The following PIP5K1B variants were observed in gnomAD, a reference collection of about 807,000 sequenced individuals.
PIP5K1B encodes phosphatidylinositol-4-phosphate 5-kinase type 1 beta.
In PIP5K1B, 42 loss-of-function variants were observed where a neutral mutation model predicts 67.0. That is an observed-to-expected ratio of 0.63 (90% confidence interval 0.49 to 0.81). PIP5K1B has a LOEUF of 0.81. Among genes scored for constraint, PIP5K1B ranks in the 30% least tolerant of loss-of-function variants. The probability of loss-of-function intolerance (pLI) is 0.00; values close to 1 mark genes in which losing one functional copy is unlikely to be tolerated. For missense variants in PIP5K1B, 459 were observed against 646.3 expected (o/e 0.71, Z 3.14); for synonymous variants, 214 against 231.4 (o/e 0.92, Z 0.68).
At chr9:68,822,355 C>A in intron 3 of PIP5K1B, 1 of 297,442 alleles carries the variant, frequency 3.4e-6, no homozygotes. Context: ...TAGAAAGAAA[C>A]TTATACACAT....
chr9:68,812,373 T>C (rs1355304448), intron 2 of PIP5K1B, among the ~76,000 whole-genome samples: 1 of 152,186 alleles, frequency 6.6e-6, no homozygotes, highest in Non-Finnish European at 1.5e-5. Context: ...TATTTATTCC[T>C]TAAGGTCACA....
chr9:68,735,485 T>C (rs1828694074), intron 1 of PIP5K1B, among the ~76,000 whole-genome samples: 1 of 151,994 alleles, frequency 6.6e-6, no homozygotes, highest in African/African-American at 2.4e-5. Flanking sequence ...GACTCCCGGG[T>C]TCAAGCTATT....
intron 2 of PIP5K1B, among the ~76,000 whole-genome samples, chr9:68,798,961 T>A (rs1832442367): frequency 6.6e-6 from 1 of 152,190 alleles, no homozygotes; most frequent in Non-Finnish European, 1.5e-5. Flanking sequence ...AAATCAAGAA[T>A]GACTGATTTT....
intron 4 of PIP5K1B, among the ~76,000 whole-genome samples, chr9:68,861,416 A>G (rs1823063679): frequency 6.6e-6 from 1 of 152,250 alleles, no homozygotes; most frequent in Admixed American, 6.5e-5. Context: ...GAAGTTTGAT[A>G]ACACTAGGTG....
At chr9:68,918,087 A>G (rs1267543924) in intron 9 of PIP5K1B, among the ~76,000 whole-genome samples, 1 of 133,018 alleles carries the variant, frequency 7.5e-6, no homozygotes, top group East Asian at 2.4e-4. Flanking sequence ...TTTATTGTTT[A>G]TTTATTTATT....
intron 8 of PIP5K1B, among the ~76,000 whole-genome samples, chr9:68,915,327 CG>C (rs1408775784): frequency 1.3e-5 from 2 of 151,794 alleles, no homozygotes; most frequent in African/African-American, 4.8e-5. Flanking sequence ...GAAGCTGTCT[CG>C]GGGGGTACTG....
rs188509274 is a variant in PIP5K1B, at chr9:68,855,254, C to T, written c.70-8583C>T. ...TCTTCTACTGTGTTAGTCACTCCTA[C>T]GTCTCCTCCAAAGCTTTTCCTCCTT... On this transcript the variant is annotated intron_variant, in intron 4 of 15. Transcript: ENST00000265382. Among the ~76,000 whole-genome samples, 397 of 152,298 alleles carry T rather than the reference C, an allele frequency of 2.6e-3. 2 individuals are homozygous for T. Among genetic ancestry groups the T allele is most frequent in the African/African-American group, 9.0e-3 (376 of 41,560 alleles).
At chr9:68,743,888 G>T (rs977510484) in intron 2 of PIP5K1B, among the ~76,000 whole-genome samples, 6 of 152,156 alleles carry the variant, frequency 3.9e-5, no homozygotes, top group African/African-American at 1.4e-4. Flanking sequence ...TCTCAACTGG[G>T]TGCCAGATGA....
At chr9:68,800,312 G>A (rs937912183) in intron 2 of PIP5K1B, among the ~76,000 whole-genome samples, 2 of 152,190 alleles carry the variant, frequency 1.3e-5, no homozygotes, top group East Asian at 3.9e-4. Flanking sequence ...CTTGCCTTTC[G>A]AATGCAATAG....
chr9:68,940,874 C>T (rs552648501), intron 14 of PIP5K1B, 84 bp downstream of exon 14: 7 of 1,246,192 alleles, frequency 5.6e-6, no homozygotes, highest in South Asian at 2.5e-5. Context: ...AATGAGGACA[C>T]GTCTCTAACA....
At chr9:68,807,422 G>A (rs1832928679) in intron 2 of PIP5K1B, among the ~76,000 whole-genome samples, 1 of 152,110 alleles carries the variant, frequency 6.6e-6, no homozygotes, top group Non-Finnish European at 1.5e-5. Context: ...TAACAGCATT[G>A]GCCATCCCCT....
At chr9:68,771,164 G>A (rs906934514) in intron 2 of PIP5K1B, among the ~76,000 whole-genome samples, 2 of 152,176 alleles carry the variant, frequency 1.3e-5, no homozygotes, top group Admixed American at 6.5e-5. Context: ...CAGACTCCCT[G>A]CTGATGAAAG....
chr9:68,820,209 A>G (rs941362452), intron 3 of PIP5K1B, among the ~76,000 whole-genome samples: 1 of 152,180 alleles, frequency 6.6e-6, no homozygotes, highest in Non-Finnish European at 1.5e-5. Context: ...GAAGGCCTGT[A>G]TTTTACCCTG....
At chr9:68,924,115 A>G (rs1826550537) in intron 12 of PIP5K1B, among the ~76,000 whole-genome samples, 1 of 151,088 alleles carries the variant, frequency 6.6e-6, no homozygotes, top group Non-Finnish European at 1.5e-5. Context: ...ACCTTTAAAA[A>G]AAAAAAAAAA....
At chr9:68,905,904 A>G (rs1005090030) in intron 8 of PIP5K1B, among the ~76,000 whole-genome samples, 2 of 152,094 alleles carry the variant, frequency 1.3e-5, no homozygotes, top group Non-Finnish European at 2.9e-5. Flanking sequence ...GGCCACGTAT[A>G]TGGCTCTTCA....
At chr9:68,947,272 A>C (rs1827847140) in intron 14 of PIP5K1B, among the ~76,000 whole-genome samples, 1 of 152,228 alleles carries the variant, frequency 6.6e-6, no homozygotes, top group Non-Finnish European at 1.5e-5. Flanking sequence ...CTGCCACGAT[A>C]CCTGCTGCCG....
At chr9:68,871,399 T>C (rs1008341419) in intron 5 of PIP5K1B, among the ~76,000 whole-genome samples, 2 of 152,244 alleles carry the variant, frequency 1.3e-5, no homozygotes, top group Admixed American at 6.5e-5. Context: ...CCCTGGACTA[T>C]GATTTATCTG....
At chr9:68,998,815 A>G (rs1830697286) in intron 15 of PIP5K1B, among the ~76,000 whole-genome samples, 1 of 152,148 alleles carries the variant, frequency 6.6e-6, no homozygotes, top group Non-Finnish European at 1.5e-5. Context: ...ATGCTTAAGG[A>G]CTATTCGGTT....
At chr9:68,753,709 A>C (rs1829764146) in intron 2 of PIP5K1B, among the ~76,000 whole-genome samples, 1 of 151,956 alleles carries the variant, frequency 6.6e-6, no homozygotes, top group Non-Finnish European at 1.5e-5. Flanking sequence ...TATTTTTAGT[A>C]GAGACGGGGT....
Sources: allele counts gnomAD v4.1 joint callset (sites outside exome capture counted in the v4.1 genomes callset), GRCh38; gene constraint gnomAD v4.1.1; transcripts MANE v1.5; gene names NCBI Gene and HGNC (gene_info 2026-07-23, HGNC 2026-07-21).